Variants in RNF24 observed in about 807,000 individuals in gnomAD.
The protein encoded by RNF24 is ring finger protein 24.
Under a neutral mutation model 20.0 loss-of-function variants are expected in RNF24, and 14 were observed. That is an observed-to-expected ratio of 0.70 (90% CI 0.46 to 1.10). RNF24 has a LOEUF of 1.10. Ranked by LOEUF, RNF24 falls within the 50% of genes least tolerant of loss-of-function variation. RNF24 has a pLI of 0.00. For missense variants in RNF24, 124 were observed against 177.6 expected (o/e 0.70, Z 1.71); for synonymous variants, 45 against 61.1 (o/e 0.74, Z 1.23).
chr20:4,007,319 G>T (rs892126584), intron 1 of RNF24, among the ~76,000 whole-genome samples: 1 of 152,148 alleles, frequency 6.6e-6, no homozygotes, highest in African/African-American at 2.4e-5. Flanking sequence ...TCCCTAGCCT[G>T]AACTTCTACA....
intron 2 of RNF24, among the ~76,000 whole-genome samples, chr20:3,949,678 T>C (rs951710137): frequency 1.3e-5 from 2 of 152,140 alleles, no homozygotes; most frequent in African/African-American, 4.8e-5. Context: ...AGTGAGATCC[T>C]GTCATAAAAA....
chr20:3,937,428 T>TA (rs2090904228), intron 4 of RNF24, among the ~76,000 whole-genome samples: 1 of 152,200 alleles, frequency 6.6e-6, no homozygotes, highest in Non-Finnish European at 1.5e-5. Context: ...CCATCACCAT[T>TA]AAAAAACTGA....
intron 2 of RNF24, among the ~76,000 whole-genome samples, chr20:3,949,535 T>C (rs955364001): frequency 6.6e-6 from 1 of 151,752 alleles, no homozygotes; most frequent in African/African-American, 2.4e-5. Flanking sequence ...AAAATACAAT[T>C]AGCTGGGCAT....
chr20:3,971,781 T>C (rs1438393339), intron 1 of RNF24, among the ~76,000 whole-genome samples: 1 of 151,534 alleles, frequency 6.6e-6, no homozygotes, highest in African/African-American at 2.4e-5. Context: ...ACAAAAATAG[T>C]GAAAACAAAT....
intron 3 of RNF24, among the ~76,000 whole-genome samples, chr20:3,946,966 G>C (rs171345): frequency 0.31 from 47,281 of 151,970 alleles, 8,080 homozygotes; most frequent in African/African-American, 0.46. Context: ...GCCGAGGTGG[G>C]TGGATCACGA....
chr20:4,009,838 A>AG (rs398121133), intron 1 of RNF24, among the ~76,000 whole-genome samples: 1 of 151,822 alleles, frequency 6.6e-6, no homozygotes, highest in Non-Finnish European at 1.5e-5. Context: ...TAGAAAAAAA[A>AG]GGGTTTTTAA....
Position 3,934,944 on chromosome 20 carries a change from G to T in RNF24, c.308+50C>A. 6.7e-7 allele frequency: 1 copy of T among 1,498,452 alleles called. No homozygotes were observed. Among genetic ancestry groups the T allele is most frequent in the South Asian group, 1.1e-5 (1 of 88,330 alleles). 92.8% of individuals were successfully genotyped at this position (1,498,452 alleles called of 1,614,324 possible). ...CCCTAAAACCCAAAAGAAGTTGGTT[G>T]ATGTGCCTCAAACTCGGGTCCCATT... is the stretch of plus-strand genomic sequence containing the variant. On this transcript the variant is annotated intron_variant, in intron 5 of 5. Transcript: ENST00000358395. The surrounding 1 kb of genome is among the most constrained non-coding windows in gnomAD (Gnocchi z 4.0).
chr20:4,002,239 A>G (rs1469965278), intron 1 of RNF24, among the ~76,000 whole-genome samples: 5 of 152,098 alleles, frequency 3.3e-5, no homozygotes, highest in African/African-American at 1.2e-4. Context: ...TAAAAAAATT[A>G]GCCCGGCGTG....
rs772331000 is a variant in RNF24 at position 3,934,066 on chromosome 20, T to C, written c.444A>G (p.Val148=). The change falls in exon 6 of 6, where the codon GTA becomes GTG. Residue 148 remains valine, a synonymous_variant. Transcript: ENST00000358395. The surrounding 1 kb of genome is among the most constrained non-coding windows in gnomAD (Gnocchi z 4.0). ...ACAGTCTGATCCTTGCGGTAAGCTA[T>C]ACAATGTTCTCTGCCCCAGGAAGGG... The part of the protein sequence containing the change: ...QGPLPGAENI[V] 4 of 1,493,122 alleles carry C rather than the reference T, an allele frequency of 2.7e-6. No individual in the cohort carries two copies. Among genetic ancestry groups the C allele is most frequent in the Non-Finnish European group, 3.6e-6 (4 of 1,123,884 alleles). 92.5% of individuals were successfully genotyped at this position (1,493,122 alleles called of 1,614,324 possible). A position where few individuals can be genotyped will look rare whatever the true frequency, so the allele number is the denominator to read the frequency against.
At chr20:3,982,532 G>A (rs1979508192) in intron 1 of RNF24, among the ~76,000 whole-genome samples, 1 of 147,602 alleles carries the variant, frequency 6.8e-6, no homozygotes, top group Non-Finnish European at 1.5e-5. Flanking sequence ...AGCCGAGATC[G>A]TGCCATTTTG....
chr20:3,955,082 T>C (rs369695537), intron 2 of RNF24, among the ~76,000 whole-genome samples: 2 of 152,286 alleles, frequency 1.3e-5, no homozygotes, highest in African/African-American at 4.8e-5. Context: ...TCTCATTGTG[T>C]TTTTAATTTG....
In RNF24 at chr20:3,963,191, T is replaced by A. The variant is rs370008334; in HGVS notation, c.143+684A>T. Among the ~76,000 whole-genome samples the A allele has an allele frequency of 9.9e-5, 15 of 152,138 alleles. No homozygotes were observed. The East Asian group carries it at 2.7e-3, about 28-fold the overall frequency. Reference sequence around the variant, plus strand: ...AGATATAAGGAGCATCCCCTATGTTTCTTTATTATTTTATTTTTTGAGACA... The same window carrying A: ...AGATATAAGGAGCATCCCCTATGTTACTTTATTATTTTATTTTTTGAGACA... On this transcript the variant is annotated intron_variant, in intron 2 of 5. Coordinates refer to ENST00000358395, the MANE Select transcript of RNF24 (RefSeq NM_001134337.3).
chr20:3,929,172 A>G lies in RNF24; in HGVS notation c.*4891T>C, dbSNP rs2090779673. ...GCCCGACCAGAAGCATTTTCTTTTC[A>G]AAGTGTGTGCACAGAGTGAGGAGGC... On this transcript the variant is annotated 3_prime_UTR_variant, in exon 6 of 6. Transcript: ENST00000358395. The G allele has an allele frequency of 6.6e-6, 1 of 152,206 alleles. No individual in the cohort carries two copies. The highest frequency in any genetic ancestry group is 6.5e-5 in the Admixed American group (1 of 15,278). The allele number at this position is 152,206 out of a possible 1,614,324, so 9.4% of individuals were successfully genotyped here. A position where few individuals can be genotyped will look rare whatever the true frequency, so the allele number is the denominator to read the frequency against.
At position 3,930,847 on chromosome 20, in the gene RNF24, C is replaced by G. The variant is rs1046060778; in HGVS notation, c.*3216G>C. 2.0e-5 allele frequency: 3 copies of G among 152,204 alleles called. No homozygotes were observed. Among genetic ancestry groups the G allele is most frequent in the African/African-American group, 7.2e-5 (3 of 41,440 alleles). 9.4% of individuals were successfully genotyped at this position (152,204 alleles called of 1,614,324 possible). A position where few individuals can be genotyped will look rare whatever the true frequency, so the allele number is the denominator to read the frequency against. ...ATCTTCTTGTCAAGAACAGGGTATC[C>G]GGCAATGGTGGGAGGTCCCCTGTAT... On this transcript the variant is annotated 3_prime_UTR_variant, in exon 6 of 6. Coordinates refer to ENST00000358395, the MANE Select transcript of RNF24 (RefSeq NM_001134337.3).
rs1349761347 is a variant in RNF24 at position 3,930,580 on chromosome 20, G to C, written c.*3483C>G. 1 of 152,228 alleles carries C rather than the reference G, an allele frequency of 6.6e-6. No homozygotes were observed. The highest frequency in any genetic ancestry group is 1.5e-5 in the Non-Finnish European group (1 of 68,042). The allele number at this position is 152,228 out of a possible 1,614,324, so 9.4% of individuals were successfully genotyped here. A position where few individuals can be genotyped will look rare whatever the true frequency, so the allele number is the denominator to read the frequency against. On this transcript the variant is annotated 3_prime_UTR_variant, in exon 6 of 6. Coordinates refer to ENST00000358395, the MANE Select transcript of RNF24 (RefSeq NM_001134337.3). Reference sequence around the variant, plus strand: ...CTGCAGAAGGGCCTAAGGCTAGTGAGTGACAAGAGGTGATTCCATCACTCT... The same window carrying C: ...CTGCAGAAGGGCCTAAGGCTAGTGACTGACAAGAGGTGATTCCATCACTCT...
At chr20:3,956,813 A>G (rs1307669479) in intron 2 of RNF24, among the ~76,000 whole-genome samples, 1 of 152,108 alleles carries the variant, frequency 6.6e-6, no homozygotes, top group African/African-American at 2.4e-5. Flanking sequence ...TTTACATTTT[A>G]TTTCTTTACA....
At chr20:3,987,161 CTT>C (rs1260517861) in intron 1 of RNF24, among the ~76,000 whole-genome samples, 46 of 152,128 alleles carry the variant, frequency 3.0e-4, no homozygotes, top group African/African-American at 1.0e-3. Context: ...TGGCAGCACT[CTT>C]AGGAATATGG....
chr20:3,951,131 G>T (rs922044006), intron 2 of RNF24, among the ~76,000 whole-genome samples: 2 of 152,014 alleles, frequency 1.3e-5, no homozygotes, highest in Non-Finnish European at 2.9e-5. Flanking sequence ...AATTTTTTTT[G>T]TATTTTTAGT....
At chr20:3,972,990 G>T (rs1034075072) in intron 1 of RNF24, among the ~76,000 whole-genome samples, 6 of 151,964 alleles carry the variant, frequency 3.9e-5, no homozygotes, top group Non-Finnish European at 7.4e-5. Flanking sequence ...ATCACATGAG[G>T]TTAGGAGTTT....
Sources: allele counts gnomAD v4.1 joint callset (sites outside exome capture counted in the v4.1 genomes callset), GRCh38; gene constraint gnomAD v4.1.1; non-coding constraint Gnocchi (gnomAD v3.1); transcripts MANE v1.5; gene names NCBI Gene and HGNC (gene_info 2026-07-23, HGNC 2026-07-21).